SLAIN2: variants seen among roughly 807,000 people sequenced by gnomAD.
SLAIN2 encodes the protein SLAIN family member 2.
SLAIN2 carries 31 observed loss-of-function variants against 56.6 expected under a neutral mutation model. The ratio of observed to expected loss-of-function variants is 0.55; its 90% CI spans 0.41 to 0.74. The LOEUF (loss-of-function observed/expected upper bound fraction) is 0.74, where lower values mean the gene tolerates loss of function less well. Ranked by LOEUF, SLAIN2 falls within the 30% of genes least tolerant of loss-of-function variation. SLAIN2 has a pLI of 0.00. For missense variants in SLAIN2, 777 were observed against 754.2 expected, an observed-to-expected ratio of 1.03 and a Z score of -0.35; for synonymous variants, 317 against 284.9, an observed-to-expected ratio of 1.11 and a Z score of -1.13.
chr4:48,400,167 T>C (rs1205870295), intron 6 of SLAIN2, among the ~76,000 whole-genome samples: 1 of 152,132 alleles, frequency 6.6e-6, no homozygotes, highest in Non-Finnish European at 1.5e-5. Flanking sequence ...ATTTATTACC[T>C]CCTCAATTTC....
At chr4:48,360,265 T>C (rs1224023632) in intron 1 of SLAIN2, among the ~76,000 whole-genome samples, 1 of 152,096 alleles carries the variant, frequency 6.6e-6, no homozygotes, top group African/African-American at 2.4e-5. Flanking sequence ...TTTATCAAGA[T>C]GTTATTTATA....
intron 1 of SLAIN2, among the ~76,000 whole-genome samples, chr4:48,351,576 A>G (rs1715010110): frequency 2.0e-5 from 3 of 152,206 alleles, no homozygotes; most frequent in Admixed American, 2.0e-4. Context: ...AGAGGTTTGG[A>G]ACTTGATGAG....
intron 4 of SLAIN2, 62 bp downstream of exon 4, chr4:48,379,910 A>G: frequency 7.4e-7 from 1 of 1,348,682 alleles, no homozygotes; most frequent in South Asian, 1.9e-5. Flanking sequence ...GTTGTATATT[A>G]AATATGTCTT....
chr4:48,357,202 A>T (rs1715180786), intron 1 of SLAIN2, among the ~76,000 whole-genome samples: 1 of 151,944 alleles, frequency 6.6e-6, no homozygotes, highest in Non-Finnish European at 1.5e-5. Context: ...ACTATGAACA[A>T]TCTAGAAGTT....
At chr4:48,351,757 G>A (rs1022166568) in intron 1 of SLAIN2, among the ~76,000 whole-genome samples, 2 of 152,234 alleles carry the variant, frequency 1.3e-5, no homozygotes, top group African/African-American at 4.8e-5. Context: ...TTACTGAGTG[G>A]AGCATAAGCT....
At chr4:48,383,551 G>T in intron 5 of SLAIN2, 96 bp from the exon 6 acceptor site, 113 of 1,009,832 alleles carry the variant, frequency 1.1e-4, no homozygotes, top group Middle Eastern at 5.2e-4. Flanking sequence ...TAAACAGAAT[G>T]TTTGATAAAC....
chr4:48,392,506 G>A (rs1716261820), intron 6 of SLAIN2, among the ~76,000 whole-genome samples: 1 of 152,074 alleles, frequency 6.6e-6, no homozygotes, highest in Non-Finnish European at 1.5e-5. Context: ...TGTAGTGTAT[G>A]TTCAATTGGT....
chr4:48,385,347 A>G (rs766353583), intron 6 of SLAIN2, among the ~76,000 whole-genome samples: 3 of 152,224 alleles, frequency 2.0e-5, no homozygotes, highest in Non-Finnish European at 4.4e-5. Context: ...AGTCCCGTAT[A>G]TGAGCTCTGA....
At chr4:48,364,757 C>T (rs1216172214) in intron 1 of SLAIN2, among the ~76,000 whole-genome samples, 10 of 137,046 alleles carry the variant, frequency 7.3e-5, no homozygotes, top group Middle Eastern at 3.7e-3. Flanking sequence ...CGCAGGCACT[C>T]CGCAGGCTGA....
At chr4:48,377,415 G>C (rs1164665149) in intron 2 of SLAIN2, among the ~76,000 whole-genome samples, 2 of 148,170 alleles carry the variant, frequency 1.3e-5, no homozygotes, top group Non-Finnish European at 3.0e-5. Flanking sequence ...CTGACCTCAA[G>C]TGATCAGCCC....
intron 6 of SLAIN2, among the ~76,000 whole-genome samples, chr4:48,406,415 A>G (rs1331784574): frequency 6.6e-6 from 1 of 151,994 alleles, no homozygotes; most frequent in Non-Finnish European, 1.5e-5. Context: ...TATCATAATA[A>G]TTTGTTTTGT....
intron 6 of SLAIN2, among the ~76,000 whole-genome samples, chr4:48,412,425 CT>C (rs1560465912): frequency 7.1e-6 from 1 of 140,942 alleles, no homozygotes; most frequent in Non-Finnish European, 1.6e-5. Flanking sequence ...CATTCCCTCT[CT>C]CTCTCTCTCT....
Position 48,424,063 on chromosome 4 carries a change from A to G in SLAIN2, c.*1986A>G, listed in dbSNP as rs1174028075. On this transcript the variant is annotated 3_prime_UTR_variant, in exon 8 of 8. Coordinates refer to ENST00000264313, the MANE Select transcript of SLAIN2 (RefSeq NM_020846.2). ...TATTATGAAACATATTACATTTTTT[A>G]AGTTAGATAATCAGTTTCAAAAGGA... 6.6e-6 allele frequency: 1 copy of G among 152,188 alleles called. No homozygotes were observed. Among genetic ancestry groups the G allele is most frequent in the Non-Finnish European group, 1.5e-5 (1 of 68,016 alleles). The allele number at this position is 152,188 out of a possible 1,614,324, so 9.4% of individuals were successfully genotyped here.
Position 48,341,796 on chromosome 4 carries a change from G to A in SLAIN2, c.57G>A (p.Glu19=). 6.5e-7 allele frequency: 1 copy of A among 1,531,036 alleles called. No individual in the cohort carries two copies. The highest frequency in any genetic ancestry group is 8.8e-7 in the Non-Finnish European group (1 of 1,139,074). The allele number at this position is 1,531,036 out of a possible 1,614,324, so 94.8% of individuals were successfully genotyped here. A position where few individuals can be genotyped will look rare whatever the true frequency, so the allele number is the denominator to read the frequency against. Residue 19 remains glutamate, a synonymous_variant, in exon 1 of 8, where the codon GAG becomes GAA. Coordinates refer to ENST00000264313, the MANE Select transcript of SLAIN2 (RefSeq NM_020846.2). ...NADQEVRKLQ[E]LVKKLEKQNE... ...ACCAGGAGGTGCGGAAGCTGCAGGAGCTGGTGAAGAAGCTGGAGAAGCAGA... is the reference window on the plus strand; with the variant it reads ...ACCAGGAGGTGCGGAAGCTGCAGGAACTGGTGAAGAAGCTGGAGAAGCAGA...
At chr4:48,411,171 T>C (rs1206514859) in intron 6 of SLAIN2, among the ~76,000 whole-genome samples, 2 of 152,132 alleles carry the variant, frequency 1.3e-5, no homozygotes, top group African/African-American at 4.8e-5. Flanking sequence ...GCTCTCCCTG[T>C]TGAGAAGGGG....
intron 6 of SLAIN2, among the ~76,000 whole-genome samples, chr4:48,393,119 T>A (rs1435285954): frequency 6.6e-6 from 1 of 152,038 alleles, no homozygotes; most frequent in Non-Finnish European, 1.5e-5. Context: ...ACGCATGTAA[T>A]TCCAGCACTT....
chr4:48,369,779 A>G (rs1372581726), intron 1 of SLAIN2, 70 bp from the exon 2 acceptor site: 24 of 1,456,508 alleles, frequency 1.6e-5, no homozygotes, highest in Non-Finnish European at 2.1e-5. Flanking sequence ...AAATCGATCC[A>G]AAAGGATCCC....
chr4:48,381,589 C>T (rs1715974046), intron 4 of SLAIN2, among the ~76,000 whole-genome samples: 1 of 152,140 alleles, frequency 6.6e-6, no homozygotes, highest in South Asian at 2.1e-4. Context: ...TTGTTGGTTA[C>T]TATTTTGGTT....
chr4:48,354,298 A>G (rs150710850), intron 1 of SLAIN2, among the ~76,000 whole-genome samples: 81 of 152,294 alleles, frequency 5.3e-4, no homozygotes, highest in East Asian at 3.7e-3. Context: ...CCCTCAAATC[A>G]TCACTTCTAG....
Sources: gnomAD v4.1 joint callset for allele counts (sites outside exome capture counted in the v4.1 genomes callset) on GRCh38, gnomAD v4.1.1 for gene constraint, MANE v1.5 for transcripts, NCBI Gene and HGNC (gene_info 2026-07-23, HGNC 2026-07-21) for gene names.